TMEM132D: variants seen among roughly 807,000 people sequenced by gnomAD.
The protein encoded by TMEM132D is mature OL transmembrane protein.
In TMEM132D, 21 loss-of-function variants were observed where a neutral mutation model predicts 62.3. The ratio of observed to expected loss-of-function variants is 0.34; its 90% confidence interval spans 0.24 to 0.49. The LOEUF is 0.49. TMEM132D is among the 20% of genes least tolerant of loss of function. The pLI is 0.99. For synonymous variants in TMEM132D, 621 were observed against 575.6 expected (o/e 1.08, Z -1.13); for missense variants, 1,346 against 1,402.8 (o/e 0.96, Z 0.65).
chr12:129,326,904 A>C (rs1241406417), intron 4 of TMEM132D, among the ~76,000 whole-genome samples: 1 of 152,224 alleles, frequency 6.6e-6, no homozygotes, highest in Non-Finnish European at 1.5e-5. Context: ...ACTCAAATAC[A>C]TAAATTTTGG....
Position 129,858,672 on chromosome 12 carries a change from G to C in TMEM132D, c.79+44589C>G, listed in dbSNP as rs1281606103. ...AACAGAGTCCGGGGAAACGGGATGG[G>C]TGCCCTTGTAACAGAGTCCGGGGAA... On this transcript the variant is annotated intron_variant, in intron 1 of 8. Coordinates refer to ENST00000422113, the MANE Select transcript of TMEM132D (RefSeq NM_133448.3). Among the ~76,000 whole-genome samples, 14 of 31,868 alleles carry C rather than the reference G, an allele frequency of 4.4e-4. 1 individual carries two copies. The highest frequency in any genetic ancestry group is 8.8e-4 in the Non-Finnish European group (13 of 14,716). The allele number at this position is 31,868 out of a possible 152,430, so 20.9% of individuals were successfully genotyped here.
chr12:129,627,453 T>C (rs1447207975), intron 2 of TMEM132D, among the ~76,000 whole-genome samples: 1 of 152,166 alleles, frequency 6.6e-6, no homozygotes, highest in African/African-American at 2.4e-5. Context: ...GTATACTCCG[T>C]GATGTCTGCA....
intron 3 of TMEM132D, among the ~76,000 whole-genome samples, chr12:129,494,277 T>C (rs1874884650): frequency 6.6e-6 from 1 of 152,182 alleles, no homozygotes; most frequent in African/African-American, 2.4e-5. Flanking sequence ...AGCATCATCT[T>C]GTTTGGTTTA....
At chr12:129,238,650 G>A (rs1374722429) in intron 4 of TMEM132D, among the ~76,000 whole-genome samples, 1 of 152,042 alleles carries the variant, frequency 6.6e-6, no homozygotes, top group Non-Finnish European at 1.5e-5. Flanking sequence ...TGTAGCATAT[G>A]TCCAAATTTC....
intron 3 of TMEM132D, among the ~76,000 whole-genome samples, chr12:129,386,043 T>C (rs146935102): frequency 1.5e-4 from 23 of 152,328 alleles, no homozygotes; most frequent in African/African-American, 5.3e-4. Flanking sequence ...AAATGGCTTA[T>C]TGGGACAGTC....
intron 2 of TMEM132D, among the ~76,000 whole-genome samples, chr12:129,577,452 T>C (rs780163376): frequency 6.7e-6 from 1 of 149,242 alleles, no homozygotes; most frequent in South Asian, 2.1e-4. Context: ...ATAAATAAAA[T>C]AGAAATATTC....
intron 1 of TMEM132D, among the ~76,000 whole-genome samples, chr12:129,785,253 C>T (rs1871220656): frequency 6.6e-6 from 1 of 152,108 alleles, no homozygotes; most frequent in South Asian, 2.1e-4. Flanking sequence ...TGGTCATCCT[C>T]AGCCTGATGT....
At chr12:129,378,186 C>A (rs1267200158) in intron 3 of TMEM132D, among the ~76,000 whole-genome samples, 2 of 152,192 alleles carry the variant, frequency 1.3e-5, no homozygotes, top group East Asian at 3.8e-4. Flanking sequence ...AGGTGCCCTG[C>A]ACCTGAAAGG....
chr12:129,517,531 T>C (rs1875718238), intron 3 of TMEM132D, among the ~76,000 whole-genome samples: 1 of 152,162 alleles, frequency 6.6e-6, no homozygotes, highest in African/African-American at 2.4e-5. Context: ...AGCTGCCTGC[T>C]GTTCCTACAG....
chr12:129,152,621 A>C (rs555171742), intron 5 of TMEM132D, among the ~76,000 whole-genome samples: 99 of 151,966 alleles, frequency 6.5e-4, no homozygotes, highest in Non-Finnish European at 1.2e-3. Flanking sequence ...CTAGATGGGG[A>C]GAGAGGTCTC....
intron 2 of TMEM132D, among the ~76,000 whole-genome samples, chr12:129,544,917 A>C: frequency 6.6e-6 from 1 of 152,352 alleles, no homozygotes; most frequent in Middle Eastern, 3.4e-3. Flanking sequence ...TGACTGAGTC[A>C]CAACACCGCA....
At chr12:129,670,404 G>A (rs9943738) in intron 2 of TMEM132D, among the ~76,000 whole-genome samples, 36,277 of 151,932 alleles carry the variant, frequency 0.24, 4,677 homozygotes, top group African/African-American at 0.32. Context: ...TAAGATCAGG[G>A]CTTGAGACGT....
chr12:129,886,785 G>A (rs977884165), intron 1 of TMEM132D, among the ~76,000 whole-genome samples: 1 of 152,082 alleles, frequency 6.6e-6, no homozygotes, highest in Admixed American at 6.5e-5. Flanking sequence ...GACCCGGTGG[G>A]AGGTACCTGA....
At chr12:129,102,198 T>C (rs1316831301) in intron 5 of TMEM132D, among the ~76,000 whole-genome samples, 2 of 152,204 alleles carry the variant, frequency 1.3e-5, no homozygotes, top group Non-Finnish European at 2.9e-5. Flanking sequence ...GCTGCATTCA[T>C]GAATCAGGCC....
intron 2 of TMEM132D, among the ~76,000 whole-genome samples, chr12:129,689,776 G>C (rs1255280372): frequency 6.6e-6 from 1 of 152,078 alleles, no homozygotes; most frequent in Non-Finnish European, 1.5e-5. Context: ...CAAAACAATG[G>C]TGTTAAGAAA....
chr12:129,108,854 G>A (rs755072788), intron 5 of TMEM132D, among the ~76,000 whole-genome samples: 47 of 152,116 alleles, frequency 3.1e-4, no homozygotes, highest in African/African-American at 9.9e-4. Flanking sequence ...CCAATGCCTC[G>A]CTTCCGTAAG....
intron 3 of TMEM132D, among the ~76,000 whole-genome samples, chr12:129,519,519 T>G (rs976510768): frequency 1.3e-5 from 2 of 152,160 alleles, no homozygotes; most frequent in African/African-American, 4.8e-5. Context: ...GAATTTTATT[T>G]TAGGAAATTA....
chr12:129,367,905 C>A (rs1333190224), intron 3 of TMEM132D, among the ~76,000 whole-genome samples: 2 of 151,798 alleles, frequency 1.3e-5, no homozygotes, highest in African/African-American at 4.8e-5. Context: ...CCTGCCTCAG[C>A]CTTCTGAGTA....
chr12:129,256,326 G>T (rs1566013543), intron 4 of TMEM132D, among the ~76,000 whole-genome samples: 4 of 152,266 alleles, frequency 2.6e-5, no homozygotes, highest in Admixed American at 2.6e-4. Flanking sequence ...GTGGCGGAAT[G>T]ACATGGTGGG....
Sources: allele counts gnomAD v4.1 joint callset (sites outside exome capture counted in the v4.1 genomes callset), GRCh38; gene constraint gnomAD v4.1.1; transcripts MANE v1.5; gene names NCBI Gene and HGNC (gene_info 2026-07-23, HGNC 2026-07-21).